The following CSMD1 variants were observed in gnomAD, a reference collection of about 807,000 sequenced individuals.
CSMD1 encodes CUB and Sushi multiple domains 1.
Under a neutral mutation model 417.5 loss-of-function variants are expected in CSMD1, and 213 were observed. The ratio of observed to expected loss-of-function variants is 0.51; its 90% CI spans 0.46 to 0.57. The LOEUF (loss-of-function observed/expected upper bound fraction) is 0.57. Ranked by LOEUF, CSMD1 falls within the 20% of genes least tolerant of loss-of-function variation. CSMD1 has a pLI of 0.00. For missense variants in CSMD1, 6,923 were observed against 4,529.7 expected, an observed-to-expected ratio of 1.53 and a Z score of -15.17; for synonymous variants, 2,862 against 1,736.8, an observed-to-expected ratio of 1.65 and a Z score of -16.11.
At chr8:4,497,202 G>C (rs141939019) in intron 2 of CSMD1, among the ~76,000 whole-genome samples, 1 of 151,926 alleles carries the variant, frequency 6.6e-6, no homozygotes, top group Non-Finnish European at 1.5e-5. Flanking sequence ...CCTTTCCTTG[G>C]CCTCCAGACT....
intron 5 of CSMD1, among the ~76,000 whole-genome samples, chr8:3,976,447 T>C (rs1262202067): frequency 6.6e-6 from 1 of 152,154 alleles, no homozygotes; most frequent in Non-Finnish European, 1.5e-5. Context: ...TCCTTTTGTT[T>C]ATTAATTCAG....
chr8:4,024,188 T>C (rs768856266), intron 4 of CSMD1, among the ~76,000 whole-genome samples: 17 of 151,848 alleles, frequency 1.1e-4, no homozygotes, highest in African/African-American at 2.4e-4. Context: ...TTCATAAATA[T>C]AACAGATAGT....
rs565875837 is a variant in CSMD1 at position 3,100,697 on chromosome 8, A to C, written c.6950-3660T>G. Among the ~76,000 whole-genome samples the C allele has an allele frequency of 4.9e-4, 75 of 152,330 alleles. No individual in the cohort carries two copies. In the South Asian group the frequency reaches 0.014, roughly 29 times the overall value. ...CCCAGATTGTTTTTAAAGAAAAATA[A>C]AATGTGAGGCTTAAAACCCAAAGCA... On this transcript the variant is annotated intron_variant, in intron 46 of 69. Coordinates refer to ENST00000635120, the MANE Select transcript of CSMD1 (RefSeq NM_033225.6).
intron 26 of CSMD1, among the ~76,000 whole-genome samples, chr8:3,275,841 TC>T (rs981579543): frequency 3.9e-5 from 6 of 152,052 alleles, no homozygotes; most frequent in Non-Finnish European, 8.8e-5. Context: ...TAAACTTTTT[TC>T]ATAGTTTTCA....
At chr8:3,085,940 T>C (rs1311438597) in intron 49 of CSMD1, among the ~76,000 whole-genome samples, 1 of 152,142 alleles carries the variant, frequency 6.6e-6, no homozygotes, top group Non-Finnish European at 1.5e-5. Context: ...ACTCCACCTC[T>C]AGAGGACAGG....
At chr8:4,120,499 A>G (rs985884202) in intron 3 of CSMD1, among the ~76,000 whole-genome samples, 1 of 152,158 alleles carries the variant, frequency 6.6e-6, no homozygotes, top group Admixed American at 6.5e-5. Context: ...GAACCAGGAG[A>G]TCAATTATTT....
intron 5 of CSMD1, among the ~76,000 whole-genome samples, chr8:3,839,002 T>A (rs1198842669): frequency 4.1e-4 from 52 of 127,232 alleles, no homozygotes; most frequent in African/African-American, 1.4e-3. Context: ...ATAATTATAA[T>A]ATTATATATT....
At chr8:3,825,826 C>CAATGGG (rs1802026056) in intron 5 of CSMD1, among the ~76,000 whole-genome samples, 1 of 152,098 alleles carries the variant, frequency 6.6e-6, no homozygotes, top group Non-Finnish European at 1.5e-5. Flanking sequence ...CTTTAAATCC[C>CAATGGG]ATTTAAATAT....
chr8:4,511,571 G>A (rs1468960053), intron 2 of CSMD1, among the ~76,000 whole-genome samples: 1 of 152,134 alleles, frequency 6.6e-6, no homozygotes, highest in Non-Finnish European at 1.5e-5. Context: ...AGAGAGGTGG[G>A]GGTCATAGGA....
intron 3 of CSMD1, among the ~76,000 whole-genome samples, chr8:4,408,988 C>T (rs76296140): frequency 0.2 from 30,924 of 152,028 alleles, 3,328 homozygotes; most frequent in Admixed American, 0.24. Context: ...AATTCTTTGC[C>T]GACTGATTTA....
At chr8:3,495,534 G>C (rs945310680) in intron 10 of CSMD1, among the ~76,000 whole-genome samples, 3 of 152,174 alleles carry the variant, frequency 2.0e-5, no homozygotes, top group African/African-American at 7.2e-5. Context: ...TCAACAATCA[G>C]CAGGTCCTGT....
At chr8:4,386,600 C>T (rs1309642468) in intron 3 of CSMD1, among the ~76,000 whole-genome samples, 1 of 152,158 alleles carries the variant, frequency 6.6e-6, no homozygotes, top group Non-Finnish European at 1.5e-5. Flanking sequence ...GCAGGGCATG[C>T]AGTTTATATT....
At chr8:3,589,528 A>C (rs1800753304) in intron 8 of CSMD1, among the ~76,000 whole-genome samples, 1 of 152,192 alleles carries the variant, frequency 6.6e-6, no homozygotes, top group Admixed American at 6.5e-5. Context: ...AACCAGGCAC[A>C]GAAAGACAAG....
chr8:4,163,611 C>G (rs1797289429), intron 3 of CSMD1, among the ~76,000 whole-genome samples: 1 of 151,936 alleles, frequency 6.6e-6, no homozygotes, highest in African/African-American at 2.4e-5. Flanking sequence ...AGTGTTTTTT[C>G]AAAACTCTGT....
chr8:4,370,721 T>C (rs1490734280), intron 3 of CSMD1, among the ~76,000 whole-genome samples: 1 of 152,228 alleles, frequency 6.6e-6, no homozygotes. Context: ...CGGTCTGTTA[T>C]ACAGTTAATG....
intron 33 of CSMD1, among the ~76,000 whole-genome samples, chr8:3,198,607 C>T (rs1796828851): frequency 6.6e-6 from 1 of 152,178 alleles, no homozygotes; most frequent in African/African-American, 2.4e-5. Context: ...TGTTAAGCAT[C>T]ATCCTCATTC....
intron 37 of CSMD1, among the ~76,000 whole-genome samples, chr8:3,179,148 T>C (rs1308869400): frequency 1.3e-5 from 2 of 151,298 alleles, no homozygotes; most frequent in Non-Finnish European, 2.9e-5. Context: ...GGTTTCAACG[T>C]GTTAGCCAGG....
chr8:4,942,345 C>G (rs752463377), intron 1 of CSMD1, among the ~76,000 whole-genome samples: 1 of 152,086 alleles, frequency 6.6e-6, no homozygotes, highest in African/African-American at 2.4e-5. Context: ...TAACCCATTG[C>G]TTTCTCGGTA....
chr8:4,059,984 C>G (rs564367794), intron 3 of CSMD1, among the ~76,000 whole-genome samples: 32 of 152,192 alleles, frequency 2.1e-4, no homozygotes, highest in African/African-American at 7.5e-4. Flanking sequence ...GGCAGAGACA[C>G]AGCCAAAAAA....
Sources: gnomAD v4.1 joint callset for allele counts (sites outside exome capture counted in the v4.1 genomes callset) on GRCh38, gnomAD v4.1.1 for gene constraint, MANE v1.5 for transcripts, NCBI Gene and HGNC (gene_info 2026-07-23, HGNC 2026-07-21) for gene names.